Variants in RGSL1 observed in about 807,000 individuals in gnomAD.
RGSL1 encodes the protein regulator of G protein signaling like 1, also known as regulator of G protein signaling protein-like.
RGSL1 carries 97 observed loss-of-function variants against 124.7 expected under a neutral mutation model. The ratio of observed to expected loss-of-function variants is 0.78; its 90% CI spans 0.66 to 0.92. The LOEUF (loss-of-function observed/expected upper bound fraction) is 0.92. Among genes scored for constraint, RGSL1 ranks in the 40% least tolerant of loss-of-function variants. RGSL1 has a pLI of 0.00. For missense variants in RGSL1, 1,233 were observed against 1,288.4 expected, an observed-to-expected ratio of 0.96 and a Z score of 0.66; for synonymous variants, 424 against 438.1, an observed-to-expected ratio of 0.97 and a Z score of 0.40.
At position 182,548,783 on chromosome 1, in the gene RGSL1, T is replaced by C; in HGVS notation, c.2892T>C (p.Ala964=). 3.2e-6 allele frequency: 5 copies of C among 1,551,704 alleles called. No homozygotes were observed. The highest frequency in any genetic ancestry group is 4.4e-6 in the Non-Finnish European group (5 of 1,146,990). ...TAGATCGGAGCGTCTTCCATGGGGC[T>C]ATCATGTCTGTCTTCCCCGTTGTTA... The part of the protein sequence containing the change: ...GYLDRSVFHG[A]IMSVFPVVMY... Residue 964 remains alanine, a synonymous_variant, in exon 17 of 22, where the codon GCT becomes GCC. Coordinates refer to ENST00000294854, the MANE Select transcript of RGSL1 (RefSeq NM_001137669.2).
At chr1:182,501,307 CTTTTTTTTTTT>C (rs141279993) in intron 9 of RGSL1, among the ~76,000 whole-genome samples, 2 of 61,342 alleles carry the variant, frequency 3.3e-5, no homozygotes, top group Non-Finnish European at 5.7e-5. Flanking sequence ...TTTTTCTTTT[CTTTTTTTTTTT>C]TTTTTTTTTT....
intron 15 of RGSL1, among the ~76,000 whole-genome samples, chr1:182,544,751 T>A (rs1226167253): frequency 6.6e-6 from 1 of 152,132 alleles, no homozygotes; most frequent in Non-Finnish European, 1.5e-5. Flanking sequence ...ATAATAACTA[T>A]GTCTCTTTTT....
At chr1:182,495,636 CT>C in intron 9 of RGSL1, among the ~76,000 whole-genome samples, 1 of 152,300 alleles carries the variant, frequency 6.6e-6, no homozygotes, top group South Asian at 2.1e-4. Context: ...GGGGATTTTT[CT>C]CTCCCCATCA....
chr1:182,555,872 C>T (rs1660836019), intron 20 of RGSL1, 152 bp from the exon 21 acceptor site: 1 of 661,954 alleles, frequency 1.5e-6, no homozygotes, highest in Non-Finnish European at 2.7e-6. Context: ...GAAGGTGAGA[C>T]TAAGAATGTG....
intron 9 of RGSL1, among the ~76,000 whole-genome samples, chr1:182,505,957 G>A (rs1353378091): frequency 1.3e-5 from 2 of 152,048 alleles, no homozygotes; most frequent in African/African-American, 4.8e-5. Flanking sequence ...CATTTTTTAA[G>A]ATATTTATAT....
At chr1:182,520,685 G>A (rs1658269738) in intron 9 of RGSL1, among the ~76,000 whole-genome samples, 1 of 151,952 alleles carries the variant, frequency 6.6e-6, no homozygotes, top group South Asian at 2.1e-4. Context: ...GAGGGTTTTT[G>A]TTTTGCTTTG....
intron 6 of RGSL1, among the ~76,000 whole-genome samples, chr1:182,485,853 G>A (rs1655057433): frequency 6.6e-6 from 1 of 152,138 alleles, no homozygotes; most frequent in African/African-American, 2.4e-5. Context: ...AGGGCACATG[G>A]ATAATACATG....
At chr1:182,452,133 AG>A (rs1025881237) in intron 1 of RGSL1, among the ~76,000 whole-genome samples, 1 of 152,148 alleles carries the variant, frequency 6.6e-6, no homozygotes, top group African/African-American at 2.4e-5. Flanking sequence ...TAGGAAAAGG[AG>A]CAGGTTGGGA....
At chr1:182,537,265 T>C (rs1297707291) in intron 14 of RGSL1, among the ~76,000 whole-genome samples, 2 of 152,168 alleles carry the variant, frequency 1.3e-5, no homozygotes, top group African/African-American at 4.8e-5. Context: ...ACAAAATTTA[T>C]TCAGTGTCCC....
At chr1:182,537,116 T>C (rs963526581) in intron 14 of RGSL1, among the ~76,000 whole-genome samples, 1 of 152,164 alleles carries the variant, frequency 6.6e-6, no homozygotes, top group African/African-American at 2.4e-5. Context: ...ATTTTTTAAG[T>C]AGTGTCTTTT....
intron 4 of RGSL1, among the ~76,000 whole-genome samples, chr1:182,468,617 T>C (rs1653549548): frequency 6.6e-6 from 1 of 151,990 alleles, no homozygotes; most frequent in Non-Finnish European, 1.5e-5. Context: ...GGGCCTGTTG[T>C]AGGGTTGAGG....
chr1:182,550,069 T>C (rs1660464675), intron 17 of RGSL1: 3 of 152,212 alleles, frequency 2.0e-5, no homozygotes, highest in Admixed American at 6.5e-5. Flanking sequence ...TCCTACATAC[T>C]TACAAAGAAA....
At chr1:182,452,800 T>G (rs1055568969) in intron 1 of RGSL1, among the ~76,000 whole-genome samples, 3 of 152,140 alleles carry the variant, frequency 2.0e-5, no homozygotes, top group African/African-American at 7.2e-5. Context: ...CAACCACCAG[T>G]GTCATCAGGA....
At chr1:182,516,694 G>A (rs1657921820) in intron 9 of RGSL1, among the ~76,000 whole-genome samples, 1 of 60,138 alleles carries the variant, frequency 1.7e-5, no homozygotes, top group African/African-American at 6.7e-5. Flanking sequence ...ATCTATCTTA[G>A]ATCATAAAGA....
At chr1:182,508,666 CTATTTGTTTT>C (rs1317029738) in intron 9 of RGSL1, among the ~76,000 whole-genome samples, 3 of 39,802 alleles carry the variant, frequency 7.5e-5, no homozygotes, top group Non-Finnish European at 1.1e-4. Flanking sequence ...TACCTATTGA[CTATTTGTTTT>C]TTTTTTTTTT....
intron 11 of RGSL1, 55 bp from the exon 12 acceptor site, chr1:182,530,189 A>C (rs910816235): frequency 5.2e-6 from 7 of 1,341,554 alleles, no homozygotes; most frequent in Non-Finnish European, 6.1e-6. Flanking sequence ...ACCACCAGCT[A>C]TCTCAGAAAT....
At chr1:182,478,370 G>C (rs1654451580) in intron 6 of RGSL1, among the ~76,000 whole-genome samples, 1 of 152,096 alleles carries the variant, frequency 6.6e-6, no homozygotes, top group South Asian at 2.1e-4. Context: ...CAATGAAAGA[G>C]CCAAATAGAA....
intron 6 of RGSL1, among the ~76,000 whole-genome samples, chr1:182,482,248 G>A (rs1426980882): frequency 6.6e-6 from 1 of 151,982 alleles, no homozygotes; most frequent in Non-Finnish European, 1.5e-5. Flanking sequence ...CACAATAAAG[G>A]CCATTTATGA....
intron 9 of RGSL1, among the ~76,000 whole-genome samples, chr1:182,517,106 C>T (rs1274561303): frequency 6.6e-6 from 1 of 151,986 alleles, no homozygotes; most frequent in Non-Finnish European, 1.5e-5. Context: ...TTTACGTCTC[C>T]TTTATATTTG....
Sources: gnomAD v4.1 joint callset for allele counts (sites outside exome capture counted in the v4.1 genomes callset) on GRCh38, gnomAD v4.1.1 for gene constraint, MANE v1.5 for transcripts, NCBI Gene and HGNC (gene_info 2026-07-23, HGNC 2026-07-21) for gene names.